Variants in SIPA1L1 observed in about 807,000 individuals in gnomAD.
The protein encoded by SIPA1L1 is signal induced proliferation associated 1 like 1.
SIPA1L1 carries 26 observed loss-of-function variants against 162.7 expected under a neutral mutation model. The ratio of observed to expected loss-of-function variants is 0.16; its 90% CI spans 0.12 to 0.22. The LOEUF (loss-of-function observed/expected upper bound fraction) is 0.22. Among genes scored for constraint, SIPA1L1 ranks in the 10% least tolerant of loss-of-function variants. The probability of loss-of-function intolerance (pLI) is 1.00; values close to 1 mark genes in which losing one functional copy is unlikely to be tolerated. For missense variants in SIPA1L1, 1,874 were observed against 2,241.0 expected (o/e 0.84, Z 3.31); for synonymous variants, 829 against 837.4 (o/e 0.99, Z 0.17).
At chr14:71,592,725 A>G (rs982140874) in intron 5 of SIPA1L1, among the ~76,000 whole-genome samples, 3 of 152,170 alleles carry the variant, frequency 2.0e-5, no homozygotes, top group Non-Finnish European at 4.4e-5. Context: ...AGCTATAATC[A>G]CTTTATTATT....
intron 2 of SIPA1L1, among the ~76,000 whole-genome samples, chr14:71,481,286 C>G (rs2142688892): frequency 6.6e-6 from 1 of 152,200 alleles, no homozygotes; most frequent in Admixed American, 6.5e-5. Context: ...AGAGACCAGC[C>G]TGGGCAACAT....
intron 4 of SIPA1L1, among the ~76,000 whole-genome samples, chr14:71,567,402 C>T (rs1034401211): frequency 4.6e-5 from 7 of 151,918 alleles, no homozygotes; most frequent in Non-Finnish European, 8.8e-5. Flanking sequence ...AAACAGAAGC[C>T]GTTTATAAAG....
intron 17 of SIPA1L1, among the ~76,000 whole-genome samples, chr14:71,721,148 G>C (rs2083689641): frequency 6.6e-6 from 1 of 152,222 alleles, no homozygotes; most frequent in Non-Finnish European, 1.5e-5. Context: ...GGTCACTGTA[G>C]ATGTATCAGC....
chr14:71,499,215 G>A (rs1261368249), intron 2 of SIPA1L1, among the ~76,000 whole-genome samples: 3 of 152,096 alleles, frequency 2.0e-5, no homozygotes, highest in African/African-American at 7.2e-5. Context: ...AAAGGAGGTG[G>A]CACGTGCCTG....
intron 2 of SIPA1L1, among the ~76,000 whole-genome samples, chr14:71,445,398 G>C (rs2045263610): frequency 1.3e-5 from 2 of 151,360 alleles, no homozygotes; most frequent in African/African-American, 4.9e-5. Context: ...ACTGATCACT[G>C]TTTCTTTCTC....
chr14:71,544,300 A>G (rs1401270652), intron 4 of SIPA1L1, among the ~76,000 whole-genome samples: 1 of 148,688 alleles, frequency 6.7e-6, no homozygotes, highest in Non-Finnish European at 1.5e-5. Context: ...CATATATATC[A>G]TGTGTGTATA....
At chr14:71,581,309 G>T (rs1157623931) in intron 4 of SIPA1L1, among the ~76,000 whole-genome samples, 1 of 152,186 alleles carries the variant, frequency 6.6e-6, no homozygotes, top group Non-Finnish European at 1.5e-5. Context: ...GGGATTACAG[G>T]CGTGAGCCAC....
chr14:71,525,982 T>C (rs1567151143), intron 3 of SIPA1L1, among the ~76,000 whole-genome samples: 1 of 152,190 alleles, frequency 6.6e-6, no homozygotes, highest in Non-Finnish European at 1.5e-5. Context: ...TCATAGCTCG[T>C]TCTCAAGTCC....
chr14:71,469,301 G>T lies in SIPA1L1; in HGVS notation c.-464-43442G>T, dbSNP rs146842927. On this transcript the variant is annotated intron_variant, in intron 2 of 23. Transcript: ENST00000381232. ...TTATTATTCGGGGATGAGGTGAGGG[G>T]TTGCTAGATCCACATGAAAACTCTA... 5.9e-5 allele frequency among the ~76,000 whole-genome samples: 9 copies of T among 152,316 alleles called. No homozygotes were observed. The East Asian group carries it at 1.7e-3, about 29-fold the overall frequency.
chr14:71,732,054 C>A (rs1003056550), intron 20 of SIPA1L1, among the ~76,000 whole-genome samples: 10 of 152,148 alleles, frequency 6.6e-5, no homozygotes, highest in African/African-American at 2.4e-4. Context: ...TCCTACTTAC[C>A]CTTGGTAGGA....
chr14:71,443,360 CAATA>C, intron 2 of SIPA1L1, among the ~76,000 whole-genome samples: 1 of 152,194 alleles, frequency 6.6e-6, no homozygotes, highest in African/African-American at 2.4e-5. Context: ...TGGGGCTAAT[CAATA>C]CACGAATTCT....
intron 16 of SIPA1L1, among the ~76,000 whole-genome samples, chr14:71,707,677 T>C (rs1408372296): frequency 2.0e-5 from 3 of 152,214 alleles, no homozygotes; most frequent in African/African-American, 7.2e-5. Flanking sequence ...TTTACGGATA[T>C]ACCCTATTTT....
chr14:71,571,783 A>T (rs975747439), intron 4 of SIPA1L1, among the ~76,000 whole-genome samples: 1 of 149,896 alleles, frequency 6.7e-6, no homozygotes, highest in African/African-American at 2.5e-5. Flanking sequence ...CTGGGACTAC[A>T]GGCGCCTGCC....
chr14:71,600,118 A>G (rs920350042), intron 5 of SIPA1L1, among the ~76,000 whole-genome samples: 2 of 152,136 alleles, frequency 1.3e-5, no homozygotes, highest in African/African-American at 2.4e-5. Flanking sequence ...TTACTTTAGT[A>G]TAGTCCCATA....
At position 71,661,432 on chromosome 14, in the gene SIPA1L1, G is replaced by A. The variant is rs771705777; in HGVS notation, c.2220G>A (p.Arg740=). The A allele has an allele frequency of 6.8e-6, 11 of 1,613,860 alleles. No homozygotes were observed. The highest frequency in any genetic ancestry group is 1.3e-5 in the African/African-American group (1 of 74,898). ...TCCAGCACGTTTTCGTCATCGTCAG[G>A]GTGCACAATCCGTGCTCTGACAGTG... The part of the protein sequence containing the change: ...SHFQHVFVIV[R]VHNPCSDSVC... Residue 740 remains arginine (R), a synonymous_variant, in exon 10 of 24, where the codon AGG becomes AGA. Coordinates refer to ENST00000381232, the MANE Select transcript of SIPA1L1 (RefSeq NM_001386936.1).
intron 2 of SIPA1L1, among the ~76,000 whole-genome samples, chr14:71,392,718 A>G (rs1039582814): frequency 2.0e-5 from 3 of 151,930 alleles, no homozygotes; most frequent in Non-Finnish European, 2.9e-5. Flanking sequence ...TTTTTTTAGT[A>G]GAGACGGGGT....
At chr14:71,430,586 A>G (rs1347668515) in intron 2 of SIPA1L1, among the ~76,000 whole-genome samples, 1 of 152,220 alleles carries the variant, frequency 6.6e-6, no homozygotes, top group African/African-American at 2.4e-5. Context: ...GCTGCACGGG[A>G]CCAGAGAAAT....
At chr14:71,728,218 G>A (rs1351693436) in intron 19 of SIPA1L1, among the ~76,000 whole-genome samples, 2 of 152,188 alleles carry the variant, frequency 1.3e-5, no homozygotes, top group Non-Finnish European at 2.9e-5. Flanking sequence ...CCTTGCAGGT[G>A]GAGATGTTTT....
intron 2 of SIPA1L1, among the ~76,000 whole-genome samples, chr14:71,382,003 C>T (rs527411243): frequency 2.4e-4 from 36 of 152,108 alleles, no homozygotes; most frequent in Non-Finnish European, 4.1e-4. Context: ...TAAAAGTCAT[C>T]AGTACTGCAT....
Sources: allele counts gnomAD v4.1 joint callset (sites outside exome capture counted in the v4.1 genomes callset), GRCh38; gene constraint gnomAD v4.1.1; transcripts MANE v1.5; gene names NCBI Gene and HGNC (gene_info 2026-07-23, HGNC 2026-07-21).